Variants in MYO1B observed in about 807,000 individuals in gnomAD.
The protein encoded by MYO1B is myosin IB.
Under a neutral mutation model 159.7 loss-of-function variants are expected in MYO1B, and 72 were observed. That is an observed-to-expected ratio of 0.45 (90% CI 0.37 to 0.55). The LOEUF is 0.55. Among genes scored for constraint, MYO1B ranks in the 20% least tolerant of loss-of-function variants. The probability of loss-of-function intolerance (pLI) is 0.00; values close to 1 mark genes in which losing one functional copy is unlikely to be tolerated. For synonymous variants in MYO1B, 468 were observed against 473.8 expected (o/e 0.99, Z 0.16); for missense variants, 1,062 against 1,364.8 (o/e 0.78, Z 3.50).
chr2:191,380,756 G>A (rs1694993244), intron 13 of MYO1B, among the ~76,000 whole-genome samples: 1 of 152,140 alleles, frequency 6.6e-6, no homozygotes, highest in African/African-American at 2.4e-5. Flanking sequence ...TCAGGGAGAT[G>A]CTTTAATCTT....
Position 191,365,607 on chromosome 2 carries a change from A to G in MYO1B, c.1032+1331A>G, listed in dbSNP as rs1181188898. Among the ~76,000 whole-genome samples the G allele has an allele frequency of 9.2e-5, 14 of 152,212 alleles. 1 individual carries two copies. Among genetic ancestry groups the G allele is most frequent in the Admixed American group, 9.2e-4 (14 of 15,282 alleles). ...AGATACGAAGTAACTTACTTAATCA[A>G]GGAAATGCTGCTGAGAGCCTGTACA... On this transcript the variant is annotated intron_variant, in intron 11 of 30. Transcript: ENST00000392318.
At chr2:191,274,059 G>A (rs1324129129) in intron 1 of MYO1B, among the ~76,000 whole-genome samples, 1 of 152,154 alleles carries the variant, frequency 6.6e-6, no homozygotes, top group Non-Finnish European at 1.5e-5. Context: ...TTTCCTTAGT[G>A]TCCTATTTTT....
At chr2:191,401,906 C>G (rs910777563) in intron 23 of MYO1B, 2 of 152,296 alleles carry the variant, frequency 1.3e-5, no homozygotes, top group African/African-American at 4.8e-5. Context: ...CTTGAACAAT[C>G]AGTGCCTATT....
At chr2:191,338,069 C>G (rs1027108682) in intron 4 of MYO1B, among the ~76,000 whole-genome samples, 4 of 151,968 alleles carry the variant, frequency 2.6e-5, no homozygotes, top group African/African-American at 9.7e-5. Context: ...TTCATCCTTA[C>G]TGGTTTATTA....
intron 3 of MYO1B, among the ~76,000 whole-genome samples, chr2:191,311,140 A>C (rs7609085): frequency 0.93 from 141,773 of 152,260 alleles, 66,794 homozygotes; most frequent in Non-Finnish European, 1. Flanking sequence ...TTGTATCCTC[A>C]GTTACAGTAG....
At chr2:191,250,812 G>C (rs185720664) in intron 1 of MYO1B, among the ~76,000 whole-genome samples, 21 of 152,294 alleles carry the variant, frequency 1.4e-4, no homozygotes, top group South Asian at 4.2e-4. Context: ...AGTGCCACCA[G>C]GTAGAGTGTA....
At chr2:191,276,619 C>G (rs1488204756) in intron 1 of MYO1B, among the ~76,000 whole-genome samples, 1 of 152,054 alleles carries the variant, frequency 6.6e-6, no homozygotes, top group Non-Finnish European at 1.5e-5. Flanking sequence ...AAGACCATGG[C>G]TTTCTAGTGG....
chr2:191,400,537 T>C (rs1696544955), intron 22 of MYO1B, 69 bp downstream of exon 22: 5 of 1,545,900 alleles, frequency 3.2e-6, no homozygotes, highest in Middle Eastern at 1.7e-4. Flanking sequence ...AACCCTCGGC[T>C]TCAGGGGCAG....
rs58331513 is a variant in MYO1B, at chr2:191,383,520, A to G, written c.1353+178A>G. On this transcript the variant is annotated intron_variant, in intron 15 of 30. Coordinates refer to ENST00000392318, the MANE Select transcript of MYO1B (RefSeq NM_001130158.3). ...TATATATATATATATACACGTACACACACACACACACACACACACACACAC... is the reference window on the plus strand; with the variant it reads ...TATATATATATATATACACGTACACGCACACACACACACACACACACACAC... Among the ~76,000 whole-genome samples, 20 of 13,448 alleles carry G rather than the reference A, an allele frequency of 1.5e-3. No homozygotes were observed. In the Non-Finnish European group the frequency reaches 0.031, roughly 21 times the overall value. The allele number at this position is 13,448 out of a possible 152,430, so 8.8% of individuals were successfully genotyped here.
chr2:191,310,690 G>T (rs1406136372), intron 3 of MYO1B, among the ~76,000 whole-genome samples: 5 of 152,194 alleles, frequency 3.3e-5, no homozygotes, highest in Admixed American at 6.5e-5. Context: ...TCATTGGGAA[G>T]ACTGAAGGAT....
intron 3 of MYO1B, among the ~76,000 whole-genome samples, chr2:191,306,991 A>G (rs12994236): frequency 0.36 from 54,321 of 152,050 alleles, 10,177 homozygotes; most frequent in Middle Eastern, 0.52. Context: ...CCCAAGAGAG[A>G]GTTCTTGGAT....
chr2:191,381,556 A>G lies in MYO1B; in HGVS notation c.1280A>G (p.Tyr427Cys). The G allele has an allele frequency of 6.2e-7, 1 of 1,609,324 alleles. No homozygotes were observed. Among genetic ancestry groups the G allele is most frequent in the Non-Finnish European group, 8.5e-7 (1 of 1,176,636 alleles). The change falls in exon 14 of 31, where the codon TAT (tyrosine) becomes TGT (cysteine). Residue 427 changes from tyrosine to cysteine, a missense_variant. By Grantham distance (194) the Tyr-to-Cys change is radical. Coordinates refer to ENST00000392318, the MANE Select transcript of MYO1B (RefSeq NM_001130158.3). ...ACTCTTAAAGAAGAGCAGGAGGAGT[A>G]TATACGGGAGGTAATGTTGAAATGC... Reference protein sequence around the residue: ...ELTLKEEQEEYIREDIEWTHI... With the variant: ...ELTLKEEQEECIREDIEWTHI...
In MYO1B at chr2:191,414,196, T is replaced by C. The variant is rs754267085; in HGVS notation, c.3006+16T>C. Reference sequence around the variant, plus strand: ...TAATGGGAAGGTAAAAATGCTAACCTTGAAGACTGATAAGAAGTACCTATT... The same window carrying C: ...TAATGGGAAGGTAAAAATGCTAACCCTGAAGACTGATAAGAAGTACCTATT... On this transcript the variant is annotated intron_variant, in intron 28 of 30. Transcript: ENST00000392318. 1.4e-5 allele frequency: 22 copies of C among 1,604,462 alleles called. No individual in the cohort carries two copies. The South Asian group carries it at 2.4e-4, about 17-fold the overall frequency.
intron 1 of MYO1B, among the ~76,000 whole-genome samples, chr2:191,272,445 AGTAAGAAGC>A (rs1687508179): frequency 6.6e-6 from 1 of 152,238 alleles, no homozygotes. Flanking sequence ...ACCTGGGGCT[AGTAAGAAGC>A]GTAAGAAGCA....
At chr2:191,318,761 CT>C (rs2125886177) in intron 3 of MYO1B, among the ~76,000 whole-genome samples, 1 of 152,326 alleles carries the variant, frequency 6.6e-6, no homozygotes, top group African/African-American at 2.4e-5. Flanking sequence ...ACTTAAAACA[CT>C]TGAAGCAGTA....
chr2:191,314,424 T>C (rs1690216779), intron 3 of MYO1B, among the ~76,000 whole-genome samples: 2 of 152,246 alleles, frequency 1.3e-5, no homozygotes, highest in Non-Finnish European at 2.9e-5. Context: ...TGGTAATTTA[T>C]TGGAGTAGAT....
At chr2:191,386,137 G>A in intron 16 of MYO1B, 53 bp downstream of exon 16, 1 of 1,574,064 alleles carries the variant, frequency 6.4e-7, no homozygotes, top group Non-Finnish European at 8.7e-7. Context: ...CCCCTGCAAG[G>A]AGGCTGTACC....
At chr2:191,346,372 A>C (rs772155647) in intron 6 of MYO1B, 90 bp downstream of exon 6, 1 of 805,770 alleles carries the variant, frequency 1.2e-6, no homozygotes, top group Non-Finnish European at 1.8e-6. Context: ...TTCTTAATAC[A>C]CACATTTTTA....
intron 26 of MYO1B, 44 bp downstream of exon 26, chr2:191,409,222 ATT>A (rs1388246808): frequency 6.3e-7 from 1 of 1,577,350 alleles, no homozygotes; most frequent in Non-Finnish European, 8.6e-7. Context: ...TTTCTTATTT[ATT>A]TTGAGTGTTT....
Sources: allele counts gnomAD v4.1 joint callset (sites outside exome capture counted in the v4.1 genomes callset), GRCh38; gene constraint gnomAD v4.1.1; transcripts MANE v1.5; gene names NCBI Gene and HGNC (gene_info 2026-07-23, HGNC 2026-07-21).